Variants in AGBL3 observed in about 807,000 individuals in gnomAD.
AGBL3 encodes cytosolic carboxypeptidase 3.
A neutral mutation model predicts 94.5 loss-of-function variants in AGBL3; 68 were observed. The ratio of observed to expected loss-of-function variants is 0.72; its 90% CI spans 0.59 to 0.88. The LOEUF (loss-of-function observed/expected upper bound fraction) is 0.88. Ranked by LOEUF, AGBL3 falls within the 40% of genes least tolerant of loss-of-function variation. AGBL3 has a pLI of 0.00. For synonymous variants in AGBL3, 354 were observed against 370.7 expected, an observed-to-expected ratio of 0.95 and a Z score of 0.52; for missense variants, 934 against 1,103.8, an observed-to-expected ratio of 0.85 and a Z score of 2.18.
intron 6 of AGBL3, among the ~76,000 whole-genome samples, 171 bp downstream of exon 6, chr7:135,033,153 C>T (rs1242933386): frequency 3.3e-5 from 5 of 151,998 alleles, no homozygotes. Context: ...ATTCTGAGTT[C>T]AAATAATTTT....
chr7:135,003,921 A>C lies in AGBL3; in HGVS notation c.310+10243A>C, dbSNP rs188426511. On this transcript the variant is annotated intron_variant, in intron 4 of 16. Transcript: ENST00000436302. ...AATGTAATTATATCTCCTAATTTTC[A>C]GTTTTTATACCTTATATTTCTTTTT... Among the ~76,000 whole-genome samples the C allele has an allele frequency of 8.5e-4, 129 of 151,492 alleles. 2 individuals are homozygous for C. The East Asian group carries it at 0.011, about 13-fold the overall frequency.
chr7:135,035,987 C>A (rs1750319817), intron 7 of AGBL3, among the ~76,000 whole-genome samples: 1 of 151,958 alleles, frequency 6.6e-6, no homozygotes, highest in South Asian at 2.1e-4. Flanking sequence ...AATAAATTAA[C>A]ACATAATAAA....
intron 15 of AGBL3, among the ~76,000 whole-genome samples, chr7:135,091,477 A>G (rs529137366): frequency 3.3e-5 from 5 of 152,230 alleles, no homozygotes; most frequent in East Asian, 1.9e-4. Flanking sequence ...ATATCTGTGT[A>G]TAAGTGGATC....
intron 16 of AGBL3, among the ~76,000 whole-genome samples, chr7:135,129,879 C>A (rs1294840662): frequency 2.0e-5 from 3 of 152,052 alleles, no homozygotes; most frequent in African/African-American, 7.2e-5. Context: ...TTTTTTAATG[C>A]AAGTTGAGAA....
chr7:135,105,204 G>A (rs1824494581), intron 15 of AGBL3, among the ~76,000 whole-genome samples: 1 of 151,586 alleles, frequency 6.6e-6, no homozygotes, highest in Admixed American at 6.6e-5. Context: ...CCAGTCGCTG[G>A]GATTACAGGT....
intron 5 of AGBL3, among the ~76,000 whole-genome samples, chr7:135,021,196 C>T (rs9642007): frequency 0.93 from 141,638 of 152,160 alleles, 66,698 homozygotes; most frequent in Non-Finnish European, 1. Context: ...CCAGTACCAC[C>T]ATATTGATAT....
intron 4 of AGBL3, among the ~76,000 whole-genome samples, chr7:135,007,505 C>T (rs1812544399): frequency 1.3e-5 from 2 of 151,924 alleles, no homozygotes; most frequent in South Asian, 4.2e-4. Flanking sequence ...AAAACACTCA[C>T]CAAATTAGGA....
intron 12 of AGBL3, among the ~76,000 whole-genome samples, chr7:135,070,864 A>G (rs1415828918): frequency 6.6e-6 from 1 of 152,118 alleles, no homozygotes; most frequent in Non-Finnish European, 1.5e-5. Flanking sequence ...TAGTGTTGGA[A>G]GTTCTGGCCA....
In AGBL3 at chr7:135,006,021, T is replaced by C. The variant is rs763358155; in HGVS notation, c.311-11031T>C. Reference sequence around the variant, plus strand: ...TTTTTAAAATAGAAAATCTTTATGATCTAGAGCTAAGCAAAGAGTTCTTAG... The same window carrying C: ...TTTTTAAAATAGAAAATCTTTATGACCTAGAGCTAAGCAAAGAGTTCTTAG... On this transcript the variant is annotated intron_variant, in intron 4 of 16. Coordinates refer to ENST00000436302, the MANE Select transcript of AGBL3 (RefSeq NM_178563.4). Among the ~76,000 whole-genome samples the C allele has an allele frequency of 1.7e-4, 26 of 151,780 alleles. 1 individual carries two copies. The highest frequency in any genetic ancestry group is 3.4e-4 in the Non-Finnish European group (23 of 67,738).
chr7:135,115,690 C>A, intron 16 of AGBL3, 79 bp downstream of exon 16: 1 of 1,212,560 alleles, frequency 8.2e-7, no homozygotes, highest in Non-Finnish European at 1.1e-6. Flanking sequence ...ATTTATTATC[C>A]TACGAAAAAA....
chr7:135,076,019 T>C (rs1311221265), intron 12 of AGBL3, among the ~76,000 whole-genome samples: 16 of 152,198 alleles, frequency 1.1e-4, no homozygotes, highest in African/African-American at 3.9e-4. Flanking sequence ...TTTTGGTCTC[T>C]TTAGGCTGTC....
chr7:134,988,084 TA>T (rs1259299500), intron 2 of AGBL3, 88 bp downstream of exon 2: 1 of 1,017,502 alleles, frequency 9.8e-7, no homozygotes, highest in African/African-American at 1.7e-5. Flanking sequence ...CAATTGGATA[TA>T]AAAATCAATT....
intron 6 of AGBL3, 119 bp downstream of exon 6, chr7:135,033,101 A>G: frequency 9.7e-7 from 1 of 1,027,362 alleles, no homozygotes; most frequent in African/African-American, 1.6e-5. Context: ...TATGGATACT[A>G]TTAATAATTA....
At chr7:135,024,578 GA>G (rs1232057582) in intron 5 of AGBL3, among the ~76,000 whole-genome samples, 1 of 152,106 alleles carries the variant, frequency 6.6e-6, no homozygotes, top group Non-Finnish European at 1.5e-5. Context: ...CAGATAATTC[GA>G]AAAGTCTGAG....
intron 15 of AGBL3, among the ~76,000 whole-genome samples, chr7:135,098,594 C>T (rs533945316): frequency 2.4e-4 from 36 of 152,218 alleles, no homozygotes; most frequent in Middle Eastern, 6.8e-3. Flanking sequence ...GATGTCATTG[C>T]ATTGGAATGA....
In AGBL3 at chr7:135,034,173, T is replaced by TGTAC; in HGVS notation, c.584_587dup (p.Pro197ThrfsTer3). 6.4e-7 allele frequency: 1 copy of TGTAC among 1,550,500 alleles called. No homozygotes were observed. The highest frequency in any genetic ancestry group is 1.2e-5 in the South Asian group (1 of 83,818). On this transcript the variant is annotated frameshift_variant, in exon 7 of 17. Transcript: ENST00000436302. LOFTEE classifies it high-confidence loss of function. The stretch of plus-strand genomic sequence containing the variant: ...GGGCAGAATACGAATACCAATTGAC[T>TGTAC]GTACGCCCTGACCTCTTCACAAATA...
chr7:135,121,396 C>T (rs1286821325), intron 16 of AGBL3, among the ~76,000 whole-genome samples: 2 of 152,086 alleles, frequency 1.3e-5, no homozygotes, highest in African/African-American at 2.4e-5. Context: ...CAGCACAGTA[C>T]ACATTATTTT....
intron 16 of AGBL3, chr7:135,129,742 G>A: frequency 2.8e-6 from 2 of 706,328 alleles, no homozygotes; most frequent in Non-Finnish European, 5.3e-6. Context: ...CTAATCTTTT[G>A]TCAAGTACAC....
At chr7:134,994,732 G>A (rs758495750) in intron 4 of AGBL3, among the ~76,000 whole-genome samples, 13 of 152,156 alleles carry the variant, frequency 8.5e-5, no homozygotes, top group Non-Finnish European at 1.3e-4. Context: ...GAGAAAGGAC[G>A]GGTGGAGAGA....
Sources: gnomAD v4.1 joint callset for allele counts (sites outside exome capture counted in the v4.1 genomes callset) on GRCh38, gnomAD v4.1.1 for gene constraint, MANE v1.5 for transcripts, NCBI Gene and HGNC (gene_info 2026-07-23, HGNC 2026-07-21) for gene names.